TDP1: variants seen among roughly 807,000 people sequenced by gnomAD.
TDP1 encodes the protein tyrosyl-DNA phosphodiesterase 1, also known as tyr-DNA phosphodiesterase 1.
A neutral mutation model predicts 81.5 loss-of-function variants in TDP1; 64 were observed. The observed-to-expected ratio is 0.79, with a 90% CI of 0.64 to 0.97. TDP1 has a LOEUF of 0.97. TDP1 is among the 50% of genes least tolerant of loss of function. The pLI is 0.00. For missense variants in TDP1, 723 were observed against 743.8 expected, an observed-to-expected ratio of 0.97 and a Z score of 0.33; for synonymous variants, 256 against 264.3, an observed-to-expected ratio of 0.97 and a Z score of 0.30.
At position 90,019,352 on chromosome 14, in the gene TDP1, GA is replaced by G. The variant is rs770659676; in HGVS notation, c.1580del (p.Lys527ArgfsTer6). ...LSKAAWGALE[K>X]NGTQLMIRSY... ...CCAAGGCTGCCTGGGGAGCATTGGA[GA>G]AGAATGGCACCCAGCTGATGATCCG... On this transcript the variant is annotated frameshift_variant, in exon 15 of 17. Coordinates refer to ENST00000335725, the MANE Select transcript of TDP1 (RefSeq NM_018319.4). LOFTEE classifies it high-confidence loss of function. The G allele has an allele frequency of 3.1e-6, 5 of 1,612,964 alleles. No homozygotes were observed. The highest frequency in any genetic ancestry group is 4.2e-6 in the Non-Finnish European group (5 of 1,179,022).
chr14:89,960,371 C>T (rs1892185873), intron 2 of TDP1, among the ~76,000 whole-genome samples: 1 of 152,084 alleles, frequency 6.6e-6, no homozygotes, highest in Non-Finnish European at 1.5e-5. Context: ...GAATCTCTTT[C>T]ATGGAGGAAA....
intron 14 of TDP1, among the ~76,000 whole-genome samples, chr14:90,015,673 T>G (rs138014267): frequency 7.3e-4 from 111 of 152,348 alleles, no homozygotes; most frequent in African/African-American, 2.6e-3. Context: ...GACTTCTCAC[T>G]GTGTCCTCAC....
At chr14:90,009,574 T>A (rs1884454163) in intron 14 of TDP1, among the ~76,000 whole-genome samples, 1 of 152,188 alleles carries the variant, frequency 6.6e-6, no homozygotes, top group Admixed American at 6.5e-5. Flanking sequence ...TGAAAGCACA[T>A]AATAGATTGA....
intron 16 of TDP1, among the ~76,000 whole-genome samples, chr14:90,039,167 G>A (rs1337138163): frequency 6.6e-6 from 1 of 152,130 alleles, no homozygotes; most frequent in Admixed American, 6.5e-5. Flanking sequence ...GCTGTATATA[G>A]TCACAGATTA....
At chr14:89,980,359 CCT>C (rs1467544659) in intron 7 of TDP1, 179 bp from the exon 8 acceptor site, 1 of 961,856 alleles carries the variant, frequency 1.0e-6, no homozygotes, top group Non-Finnish European at 1.2e-6. Context: ...AGGTTTTCAT[CCT>C]ATCACTTAGG....
At chr14:89,966,601 CAGT>C (rs2139973406) in intron 4 of TDP1, among the ~76,000 whole-genome samples, 1 of 152,302 alleles carries the variant, frequency 6.6e-6, no homozygotes, top group South Asian at 2.1e-4. Flanking sequence ...TTTTCATGTT[CAGT>C]GGCTCCTTCC....
chr14:89,992,246 G>T (rs1596576718), intron 13 of TDP1, among the ~76,000 whole-genome samples: 1 of 152,182 alleles, frequency 6.6e-6, no homozygotes, highest in African/African-American at 2.4e-5. Flanking sequence ...AGAAGATCAT[G>T]TTGGGTAGTT....
chr14:89,999,091 A>T (rs1324947564), intron 14 of TDP1, among the ~76,000 whole-genome samples: 1 of 152,182 alleles, frequency 6.6e-6, no homozygotes, highest in East Asian at 1.9e-4. Context: ...ACAGGGCACT[A>T]TTGTTATTTT....
In TDP1 at chr14:90,043,101, C is replaced by CA; in HGVS notation, c.1788dup (p.Ala597SerfsTer22). Reference sequence around the variant, plus strand: ...CATGGATATGGAACATTCCTTATGTCAAAGCACCGGATACGCATGGGAACA... The same window carrying CA: ...CATGGATATGGAACATTCCTTATGTCAAAAGCACCGGATACGCATGGGAACA... On this transcript the variant is annotated frameshift_variant, in exon 17 of 17. Transcript: ENST00000335725. LOFTEE classifies it high-confidence loss of function. 1.9e-6 allele frequency: 3 copies of CA among 1,614,152 alleles called. No individual in the cohort carries two copies. Among genetic ancestry groups the CA allele is most frequent in the Non-Finnish European group, 2.5e-6 (3 of 1,180,030 alleles).
chr14:89,977,588 G>A lies in TDP1; in HGVS notation c.791+1773G>A, dbSNP rs562742488. 1.2e-3 allele frequency among the ~76,000 whole-genome samples: 179 copies of A among 152,342 alleles called. 2 individuals carry two copies. The highest frequency in any genetic ancestry group is 4.1e-3 in the African/African-American group (171 of 41,572). ...GCCGGGATTACAGGCGTGAGCCACC[G>A]CACCTAGCGTATTTTTAAAATGTTT... On this transcript the variant is annotated intron_variant, in intron 7 of 16. Transcript: ENST00000335725.
chr14:90,020,140 G>A (rs1251695327), intron 15 of TDP1, among the ~76,000 whole-genome samples: 2 of 152,152 alleles, frequency 1.3e-5, no homozygotes, highest in East Asian at 3.9e-4. Flanking sequence ...AACACCAGAA[G>A]GAGTGGCTTG....
rs1293315485 is a variant in TDP1, at chr14:89,975,580, T to TG, written c.757-200dup. 1.9e-5 allele frequency: 13 copies of TG among 698,836 alleles called. No individual in the cohort carries two copies. The African/African-American group carries it at 3.1e-4, about 17-fold the overall frequency. 43.3% of individuals were successfully genotyped at this position (698,836 alleles called of 1,614,324 possible). A position where few individuals can be genotyped will look rare whatever the true frequency, so the allele number is the denominator to read the frequency against. On this transcript the variant is annotated intron_variant, in intron 6 of 16. Transcript: ENST00000335725. Reference sequence around the variant, plus strand: ...TAATCATTCTGGGTAACAAAATTTGTGTTTTTTTTTTTTTTTTTTTTAATG... The same window carrying TG: ...TAATCATTCTGGGTAACAAAATTTGTGGTTTTTTTTTTTTTTTTTTTTAATG...
intron 8 of TDP1, 43 bp from the exon 9 acceptor site, chr14:89,984,472 TC>T (rs1895337137): frequency 6.2e-7 from 1 of 1,612,752 alleles, no homozygotes; most frequent in African/African-American, 1.3e-5. Flanking sequence ...ATCATTATGA[TC>T]AGTTGTGTGC....
chr14:89,958,075 C>T (rs1891872793), intron 2 of TDP1, among the ~76,000 whole-genome samples: 1 of 152,202 alleles, frequency 6.6e-6, no homozygotes. Flanking sequence ...CCATGTAGGG[C>T]TTGTGGATGG....
intron 15 of TDP1, among the ~76,000 whole-genome samples, chr14:90,030,184 G>T (rs8007657): frequency 6.6e-6 from 1 of 152,192 alleles, no homozygotes; most frequent in East Asian, 1.9e-4. Context: ...AGGTGCTGCC[G>T]AGCTGGCCTG....
intron 15 of TDP1, among the ~76,000 whole-genome samples, chr14:90,023,989 C>T (rs960803794): frequency 2.6e-5 from 4 of 152,150 alleles, no homozygotes; most frequent in Non-Finnish European, 5.9e-5. Context: ...CTCTGAACAC[C>T]CCCGCAACAT....
chr14:89,984,213 G>A (rs1252936152), intron 8 of TDP1: 1 of 985,320 alleles, frequency 1.0e-6, no homozygotes, highest in African/African-American at 1.7e-5. Flanking sequence ...AGAGGTAAGA[G>A]GAGCAATAAG....
At chr14:89,989,119 T>C (rs1179553186) in intron 11 of TDP1, 29 bp downstream of exon 11, 3 of 1,601,114 alleles carry the variant, frequency 1.9e-6, no homozygotes, top group East Asian at 4.5e-5. Flanking sequence ...TGAGGTAGTT[T>C]ACTTTTATTC....
At chr14:89,984,484 C>T in intron 8 of TDP1, 32 bp from the exon 9 acceptor site, 1 of 1,613,450 alleles carries the variant, frequency 6.2e-7, no homozygotes, top group Non-Finnish European at 8.5e-7. Flanking sequence ...AGTTGTGTGC[C>T]TGACTGTTAA....
Sources: gnomAD v4.1 joint callset for allele counts (sites outside exome capture counted in the v4.1 genomes callset) on GRCh38, gnomAD v4.1.1 for gene constraint, MANE v1.5 for transcripts, NCBI Gene and HGNC (gene_info 2026-07-23, HGNC 2026-07-21) for gene names.